KIF6: variants seen among roughly 807,000 people sequenced by gnomAD.
The protein encoded by KIF6 is kinesin family member 6, also known as kinesin-like protein KIF6.
Under a neutral mutation model 112.7 loss-of-function variants are expected in KIF6, and 106 were observed. The observed-to-expected ratio is 0.94, with a 90% CI of 0.80 to 1.11. The LOEUF (loss-of-function observed/expected upper bound fraction) is 1.11. Ranked by LOEUF, KIF6 falls within the 50% of genes least tolerant of loss-of-function variation. KIF6 has a pLI of 0.00. For missense variants in KIF6, 929 were observed against 964.0 expected, an observed-to-expected ratio of 0.96 and a Z score of 0.48; for synonymous variants, 339 against 339.9, an observed-to-expected ratio of 1.00 and a Z score of 0.03.
At chr6:39,357,887 G>A (rs970979116) in intron 18 of KIF6, among the ~76,000 whole-genome samples, 2 of 152,226 alleles carry the variant, frequency 1.3e-5, no homozygotes, top group Non-Finnish European at 2.9e-5. Flanking sequence ...AGAATTATGG[G>A]TAATGTTTAA....
At chr6:39,512,371 G>A (rs1326178015) in intron 13 of KIF6, among the ~76,000 whole-genome samples, 2 of 152,196 alleles carry the variant, frequency 1.3e-5, no homozygotes, top group Non-Finnish European at 2.9e-5. Context: ...AGGTATTTCC[G>A]GGTTTTCTGA....
chr6:39,641,462 G>A (rs1386419176), intron 3 of KIF6, among the ~76,000 whole-genome samples: 1 of 151,872 alleles, frequency 6.6e-6, no homozygotes, highest in African/African-American at 2.4e-5. Flanking sequence ...ATGGACACAG[G>A]AAGGGGAACA....
intron 16 of KIF6, among the ~76,000 whole-genome samples, chr6:39,381,525 G>A (rs771896371): frequency 3.3e-5 from 5 of 152,154 alleles, no homozygotes; most frequent in Non-Finnish European, 2.9e-5. Context: ...ACTCTTACCG[G>A]AGCCCTCTGT....
chr6:39,571,766 G>T (rs1008221300), intron 10 of KIF6, among the ~76,000 whole-genome samples: 1 of 152,138 alleles, frequency 6.6e-6, no homozygotes. Context: ...TCCTCCATGA[G>T]AACTTCAGGC....
At position 39,330,144 on chromosome 6, in the gene KIF6, G is replaced by A. The variant is rs1251685844; in HGVS notation, c.*6388C>T. 1 of 152,220 alleles carries A rather than the reference G, an allele frequency of 6.6e-6. No homozygotes were observed. The highest frequency in any genetic ancestry group is 6.5e-5 in the Admixed American group (1 of 15,284). The allele number at this position is 152,220 out of a possible 1,614,324, so 9.4% of individuals were successfully genotyped here. On this transcript the variant is annotated 3_prime_UTR_variant, in exon 23 of 23. Transcript: ENST00000287152. ...AAATGCCACACCAGCCAGCGGGAAT[G>A]ATCTCCTCATCAGGCTGCTTTCCTG...
chr6:39,559,456 C>T (rs1211226326), intron 10 of KIF6, among the ~76,000 whole-genome samples: 1 of 152,052 alleles, frequency 6.6e-6, no homozygotes, highest in Non-Finnish European at 1.5e-5. Flanking sequence ...TGCAACATGT[C>T]CCTAAAATGA....
chr6:39,349,327 T>C (rs765933746), intron 19 of KIF6, among the ~76,000 whole-genome samples: 1 of 152,080 alleles, frequency 6.6e-6, no homozygotes, highest in Non-Finnish European at 1.5e-5. Flanking sequence ...TATTCCACCA[T>C]GGACTCTCTC....
At chr6:39,357,134 C>A in intron 19 of KIF6, 143 bp downstream of exon 19, 3 of 568,524 alleles carry the variant, frequency 5.3e-6, no homozygotes, top group Non-Finnish European at 9.3e-6. Context: ...TGAGTATCTA[C>A]GACTAATTAA....
chr6:39,669,590 T>G (rs559894468), intron 3 of KIF6, among the ~76,000 whole-genome samples: 2 of 152,372 alleles, frequency 1.3e-5, no homozygotes, highest in East Asian at 3.9e-4. Context: ...AAAGCTTTAA[T>G]TGTAATAATA....
intron 3 of KIF6, 66 bp downstream of exon 3, chr6:39,714,626 T>G (rs183845387): frequency 4.9e-4 from 515 of 1,056,886 alleles, no homozygotes; most frequent in Non-Finnish European, 6.3e-4. Flanking sequence ...ACTACCACAG[T>G]TATCTGAGAA....
In KIF6 at chr6:39,499,284, T is replaced by G. The variant is rs1775969660; in HGVS notation, c.1645+40719A>C. 3.3e-5 allele frequency among the ~76,000 whole-genome samples: 5 copies of G among 150,464 alleles called. No individual in the cohort carries two copies. The South Asian group carries it at 8.4e-4, about 25-fold the overall frequency. ...GAGGTGCAAGAGGGCTTCCTGGAGG[T>G]GGTGGCACAGGCAGTGTCTTAAAGA... On this transcript the variant is annotated intron_variant, in intron 13 of 22. Coordinates refer to ENST00000287152, the MANE Select transcript of KIF6 (RefSeq NM_145027.6).
At chr6:39,582,281 C>G (rs1366749667) in intron 9 of KIF6, among the ~76,000 whole-genome samples, 1 of 152,180 alleles carries the variant, frequency 6.6e-6, no homozygotes, top group Non-Finnish European at 1.5e-5. Flanking sequence ...TGAAGGAACC[C>G]TGGCATTAGA....
At chr6:39,720,270 G>C (rs1184691380) in intron 2 of KIF6, among the ~76,000 whole-genome samples, 4 of 151,924 alleles carry the variant, frequency 2.6e-5, no homozygotes, top group African/African-American at 9.7e-5. Context: ...TATTATATTG[G>C]ACAGCACAGA....
Position 39,360,420 on chromosome 6 carries a change from C to T in KIF6, c.2057G>A (p.Trp686Ter), listed in dbSNP as rs770136928. 1 of 1,614,210 alleles carries T rather than the reference C, an allele frequency of 6.2e-7. No homozygotes were observed. The highest frequency in any genetic ancestry group is 8.5e-7 in the Non-Finnish European group (1 of 1,180,036). ...VKLQKEFEVW[W>*]AEEATNLQVN... is the part of the protein sequence containing the mutation. ...CTGCAGGTTGGTGGCCTCCTCTGCC[C>T]ACCAGACTTCAAACTCTTTCTGTAG... The change falls in exon 18 of 23, where the codon TGG becomes TAG. Residue 686 changes from tryptophan (W) to a stop codon, truncating the protein, a stop_gained. Coordinates refer to ENST00000287152, the MANE Select transcript of KIF6 (RefSeq NM_145027.6). LOFTEE classifies it high-confidence loss of function.
At chr6:39,591,960 A>C (rs1244702817) in intron 7 of KIF6, among the ~76,000 whole-genome samples, 1 of 152,060 alleles carries the variant, frequency 6.6e-6, no homozygotes, top group Non-Finnish European at 1.5e-5. Context: ...AAAATACAAA[A>C]AATTAGCCAG....
chr6:39,517,449 C>T (rs371367508), intron 13 of KIF6, among the ~76,000 whole-genome samples: 4 of 152,330 alleles, frequency 2.6e-5, no homozygotes, highest in South Asian at 4.1e-4. Context: ...GGGAATCCCT[C>T]TCCTTGGACA....
chr6:39,393,997 T>C (rs147286754), intron 15 of KIF6, among the ~76,000 whole-genome samples: 5 of 152,284 alleles, frequency 3.3e-5, no homozygotes, highest in Admixed American at 6.5e-5. Flanking sequence ...TACATATACG[T>C]ATGTAAATAA....
rs1293350563 is a variant in KIF6, at chr6:39,416,849, A to G, written c.1810+3099T>C. On this transcript the variant is annotated intron_variant, in intron 15 of 22. Coordinates refer to ENST00000287152, the MANE Select transcript of KIF6 (RefSeq NM_145027.6). ...GTGGGCTGACTGGTTTGCAGTTCAC[A>G]AATACAGCTTTTGTTTCTTCTCTGC... 2.6e-5 allele frequency among the ~76,000 whole-genome samples: 4 copies of G among 152,134 alleles called. No individual in the cohort carries two copies. The East Asian group carries it at 5.8e-4, about 22-fold the overall frequency.
intron 6 of KIF6, among the ~76,000 whole-genome samples, chr6:39,601,731 C>T (rs1268490351): frequency 4.6e-5 from 7 of 151,900 alleles, no homozygotes; most frequent in Non-Finnish European, 8.8e-5. Context: ...CACACACACA[C>T]ACACACACAC....
Sources: gnomAD v4.1 joint callset for allele counts (sites outside exome capture counted in the v4.1 genomes callset) on GRCh38, gnomAD v4.1.1 for gene constraint, MANE v1.5 for transcripts, NCBI Gene and HGNC (gene_info 2026-07-23, HGNC 2026-07-21) for gene names.